The following RPL8 variants were observed in gnomAD, a reference collection of about 807,000 sequenced individuals.
RPL8 encodes large ribosomal subunit protein uL2.
For synonymous variants in RPL8, 182 were observed against 143.2 expected, an observed-to-expected ratio of 1.27 and a Z score of -1.94; for missense variants, 248 against 365.9, an observed-to-expected ratio of 0.68 and a Z score of 2.63.
chr8:144,791,074 A>G, intron 3 of RPL8: 1 of 600,158 alleles, frequency 1.7e-6, no homozygotes, highest in East Asian at 2.8e-5. Flanking sequence ...TTAACGCCTC[A>G]ACAGCAGTAA....
rs368194465 is a variant in RPL8, at chr8:144,791,804, G to A, written c.249C>T (p.His83=). 2.7e-5 allele frequency: 44 copies of A among 1,613,864 alleles called. No individual in the cohort carries two copies. Among genetic ancestry groups the A allele is most frequent in the African/African-American group, 9.3e-5 (7 of 74,920 alleles). ...TELFIAAEGI[H]TGQFVYCGKK... Reference sequence around the variant, plus strand: ...TGCCGCAATACACAAACTGGCCCGTGTGAATGCCCTCGGCGGCAATGAACA... The same window carrying A: ...TGCCGCAATACACAAACTGGCCCGTATGAATGCCCTCGGCGGCAATGAACA... The change falls in exon 2 of 5, where the codon CAC becomes CAT. Residue 83 remains histidine, a synonymous_variant. Transcript: ENST00000528957.
At chr8:144,791,220 G>A in intron 3 of RPL8, 57 bp downstream of exon 3, 1 of 1,524,238 alleles carries the variant, frequency 6.6e-7, no homozygotes, top group Non-Finnish European at 9.1e-7. Flanking sequence ...CTGTCCACCG[G>A]CACTCACAGC....
At chr8:144,790,728 C>A in intron 3 of RPL8, 2 of 670,100 alleles carry the variant, frequency 3.0e-6, no homozygotes. Flanking sequence ...AAGCACCCCC[C>A]TCACCATGTG....
intron 3 of RPL8, 183 bp from the exon 4 acceptor site, chr8:144,790,653 T>G: frequency 1.4e-6 from 1 of 691,574 alleles, no homozygotes; most frequent in South Asian, 1.5e-5. Context: ...CAATCCACAA[T>G]GGGCAGGCAA....
chr8:144,791,080 A>G, intron 3 of RPL8, 197 bp downstream of exon 3: 1 of 605,410 alleles, frequency 1.7e-6, no homozygotes, highest in South Asian at 2.0e-5. Context: ...CCTCAACAGC[A>G]GTAAAGCAGG....
intron 1 of RPL8, 31 bp from the exon 2 acceptor site, chr8:144,791,945 T>C: frequency 2.5e-6 from 4 of 1,610,146 alleles, no homozygotes; most frequent in Non-Finnish European, 8.5e-7. Flanking sequence ...AGTGCGGCGT[T>C]CCGGCCGGGC....
chr8:144,790,520 C>A (rs750131189), intron 3 of RPL8, 50 bp from the exon 4 acceptor site: 1 of 1,378,382 alleles, frequency 7.3e-7, no homozygotes, highest in South Asian at 1.2e-5. Flanking sequence ...CAGAGCACCC[C>A]CACCTCCCCT....
At chr8:144,790,110 C>A in intron 4 of RPL8, 148 bp from the exon 5 acceptor site, 2 of 1,053,374 alleles carry the variant, frequency 1.9e-6, no homozygotes, top group Non-Finnish European at 2.7e-6. Context: ...TGACTCTTTC[C>A]AGCTCAGGCC....
intron 3 of RPL8, 165 bp downstream of exon 3, chr8:144,791,112 G>A: frequency 1.5e-6 from 1 of 657,560 alleles, no homozygotes. Context: ...CTGTTGTACA[G>A]TGATGACAAC....
chr8:144,790,776 A>C (rs1170016753), intron 3 of RPL8: 3 of 608,184 alleles, frequency 4.9e-6, no homozygotes, highest in Non-Finnish European at 9.2e-6. Flanking sequence ...GACGTAAGAC[A>C]CTTGATTCAG....
chr8:144,792,274 T>C lies in RPL8; in HGVS notation c.-145A>G. The C allele has an allele frequency of 3.4e-6, 4 of 1,186,046 alleles. No individual in the cohort carries two copies. The highest frequency in any genetic ancestry group is 4.4e-6 in the Non-Finnish European group (4 of 909,458). 73.5% of individuals were successfully genotyped at this position (1,186,046 alleles called of 1,614,324 possible). ...TCCGCGGGCGCCCGCACCGGCATCC[T>C]CTCAGGAGGGCCGGTCCGGGTCTCA... On this transcript the variant is annotated 5_prime_UTR_variant, in exon 1 of 5. Coordinates refer to ENST00000528957, the MANE Select transcript of RPL8 (RefSeq NM_001317782.2).
At chr8:144,790,674 TCACCTC>T in intron 3 of RPL8, 1 of 692,086 alleles carries the variant, frequency 1.4e-6, no homozygotes, top group Non-Finnish European at 2.6e-6. Context: ...GCCAAGGCCC[TCACCTC>T]CATCACCTAG....
intron 3 of RPL8, 168 bp downstream of exon 3, chr8:144,791,109 A>AC: frequency 1.5e-6 from 1 of 648,582 alleles, no homozygotes; most frequent in Non-Finnish European, 2.7e-6. Flanking sequence ...TGCCTGTTGT[A>AC]CAGTGATGAC....
intron 3 of RPL8, chr8:144,790,732 C>G (rs545560180): frequency 8.9e-4 from 594 of 666,326 alleles, no homozygotes; most frequent in Non-Finnish European, 1.5e-3. Flanking sequence ...ACCCCCCTCA[C>G]CATGTGTGAG....
In RPL8 at chr8:144,792,115, G is replaced by A; in HGVS notation, c.15C>T (p.Ile5=). 2 of 1,564,556 alleles carry A rather than the reference G, an allele frequency of 1.3e-6. No homozygotes were observed. The highest frequency in any genetic ancestry group is 2.7e-5 in the African/African-American group (2 of 73,268). The change falls in exon 1 of 5, where the codon ATC becomes ATT. Residue 5 remains isoleucine, a synonymous_variant. Transcript: ENST00000528957. MGRV[I]RGQRKGAGSV... Reference sequence around the variant, plus strand: ...ACCCGGCGCCCTTCCTCTGTCCACGGATCACACGGCCCATGGCGACGGGTC... The same window carrying A: ...ACCCGGCGCCCTTCCTCTGTCCACGAATCACACGGCCCATGGCGACGGGTC...
At position 144,791,816 on chromosome 8, in the gene RPL8, G is replaced by A. The variant is rs1210065517; in HGVS notation, c.237C>T (p.Ala79=). 1.9e-6 allele frequency: 3 copies of A among 1,613,894 alleles called. No homozygotes were observed. Among genetic ancestry groups the A allele is most frequent in the Non-Finnish European group, 2.5e-6 (3 of 1,180,012 alleles). The change falls in exon 2 of 5, where the codon GCC becomes GCT. Residue 79 remains alanine, a synonymous_variant. Coordinates refer to ENST00000528957, the MANE Select transcript of RPL8 (RefSeq NM_001317782.2). ...FKKRTELFIA[A]EGIHTGQFVY... ...CAAACTGGCCCGTGTGAATGCCCTC[G>A]GCGGCAATGAACAGCTCCGTCCGCT...
rs377521236 is a variant in RPL8 at position 144,791,922 on chromosome 8, C to T, written c.139-8G>A. 6.2e-7 allele frequency: 1 copy of T among 1,612,362 alleles called. No homozygotes were observed. The highest frequency in any genetic ancestry group is 1.3e-5 in the African/African-American group (1 of 75,028). ...CGGGTCGTGGATGATGTCCTGTGGG[C>T]AGAGGCGGCGTGAGTGCGGCGTTCC... On this transcript the variant is annotated splice_region_variant and splice_polypyrimidine_tract_variant and intron_variant, in intron 1 of 4. Transcript: ENST00000528957.
At chr8:144,791,201 A>AGCCACTGGCTG (rs1362747121) in intron 3 of RPL8, 76 bp downstream of exon 3, 13 of 1,419,602 alleles carry the variant, frequency 9.2e-6, no homozygotes, top group Non-Finnish European at 1.3e-5. Context: ...GACCAAGTCT[A>AGCCACTGGCTG]GCCACTGGCT....
chr8:144,791,038 C>T (rs1301080298), intron 3 of RPL8: 6 of 563,812 alleles, frequency 1.1e-5, no homozygotes, highest in South Asian at 2.0e-5. Context: ...GAATCCAAGA[C>T]CCTGGTGACT....
Sources: allele counts gnomAD v4.1 joint callset, GRCh38; gene constraint gnomAD v4.1.1; transcripts MANE v1.5; gene names NCBI Gene and HGNC (gene_info 2026-07-23, HGNC 2026-07-21).